SUSD3: variants seen among roughly 807,000 people sequenced by gnomAD.
SUSD3 encodes sushi domain containing 3, also known as sushi domain-containing protein 3.
In SUSD3, 18 loss-of-function variants were observed where a neutral mutation model predicts 20.6. That is an observed-to-expected ratio of 0.87 (90% confidence interval 0.60 to 1.30). SUSD3 has a LOEUF of 1.30. SUSD3 is among the 50% of genes most tolerant of loss of function. SUSD3 has a pLI of 0.00. For missense variants in SUSD3, 306 were observed against 346.9 expected (o/e 0.88, Z 0.94); for synonymous variants, 137 against 141.5 (o/e 0.97, Z 0.23).
In SUSD3 at chr9:93,079,615, C is replaced by A; in HGVS notation, c.557+13C>A. 1.9e-6 allele frequency: 3 copies of A among 1,613,072 alleles called. No individual in the cohort carries two copies. The South Asian group carries it at 3.3e-5, about 18-fold the overall frequency. On this transcript the variant is annotated intron_variant, in intron 4 of 4. Coordinates refer to ENST00000375472, the MANE Select transcript of SUSD3 (RefSeq NM_145006.4). Reference sequence around the variant, plus strand: ...ACAGCTTCACCACGTGAGCCCGGGTCTGGGTAGGGGACATGCTGGGGGACA... The same window carrying A: ...ACAGCTTCACCACGTGAGCCCGGGTATGGGTAGGGGACATGCTGGGGGACA...
intron 1 of SUSD3, among the ~76,000 whole-genome samples, chr9:93,073,857 C>T (rs1337980439): frequency 6.6e-5 from 10 of 152,096 alleles, no homozygotes; most frequent in South Asian, 2.1e-4. Context: ...TGTGTATGAA[C>T]GTGTGTGAAG....
At chr9:93,065,072 G>A (rs775889834) in intron 1 of SUSD3, among the ~76,000 whole-genome samples, 4 of 152,226 alleles carry the variant, frequency 2.6e-5, no homozygotes, top group African/African-American at 9.6e-5. Flanking sequence ...ATGGGGAGTG[G>A]TATGGCCACC....
At chr9:93,080,530 T>A (rs1826372109) in intron 4 of SUSD3, among the ~76,000 whole-genome samples, 1 of 152,174 alleles carries the variant, frequency 6.6e-6, no homozygotes, top group South Asian at 2.1e-4. Context: ...TCTGCGTCTG[T>A]CTGGTGTTTC....
chr9:93,066,209 TAAG>T (rs1307325052), intron 1 of SUSD3, among the ~76,000 whole-genome samples: 3 of 152,108 alleles, frequency 2.0e-5, no homozygotes, highest in African/African-American at 7.2e-5. Context: ...CTGACAGAGA[TAAG>T]AAGCAAAAAA....
At chr9:93,058,885 G>T (rs1043049651) in intron 1 of SUSD3, 55 bp downstream of exon 1, 123 of 1,125,256 alleles carry the variant, frequency 1.1e-4, no homozygotes, top group Non-Finnish European at 1.4e-4. Context: ...TTTCACAGAC[G>T]GGAAAGCCGA....
chr9:93,071,326 T>G (rs1825903118), intron 1 of SUSD3, among the ~76,000 whole-genome samples: 2 of 152,182 alleles, frequency 1.3e-5, no homozygotes, highest in African/African-American at 4.8e-5. Context: ...AGTGCAGCCT[T>G]CAGTCTGTGG....
chr9:93,069,518 T>C (rs975592207), intron 1 of SUSD3, among the ~76,000 whole-genome samples: 4 of 152,262 alleles, frequency 2.6e-5, no homozygotes, highest in African/African-American at 9.6e-5. Flanking sequence ...TTTGTAGTTT[T>C]CAGAGTATGT....
At chr9:93,074,431 CAAAAAAA>C (rs56872294) in intron 1 of SUSD3, among the ~76,000 whole-genome samples, 5 of 38,854 alleles carry the variant, frequency 1.3e-4, no homozygotes, top group South Asian at 7.5e-4. Flanking sequence ...GACTCTGACT[CAAAAAAA>C]AAAAAAAAAA....
intron 1 of SUSD3, among the ~76,000 whole-genome samples, chr9:93,066,121 C>T (rs780120896): frequency 2.5e-4 from 38 of 152,240 alleles, no homozygotes; most frequent in African/African-American, 8.9e-4. Context: ...AGGCCCTCCC[C>T]ACTCTGTGTA....
At chr9:93,082,451 G>T (rs1273527295) in intron 4 of SUSD3, among the ~76,000 whole-genome samples, 1 of 151,478 alleles carries the variant, frequency 6.6e-6, no homozygotes, top group Non-Finnish European at 1.5e-5. Context: ...CCAAGTAGCT[G>T]GGACCACAGG....
intron 3 of SUSD3, among the ~76,000 whole-genome samples, 160 bp downstream of exon 3, chr9:93,078,153 C>T (rs1446817815): frequency 3.9e-5 from 6 of 152,256 alleles, no homozygotes; most frequent in African/African-American, 9.6e-5. Context: ...CCAAGTGCTG[C>T]TCCCGGCCCA....
rs369323641 is a variant in SUSD3, at chr9:93,074,304, C to T, written c.89-1480C>T. ...AATCAGCCAGGTGTGGTCGCACATG[C>T]CTGTAATCCCAGCTACTCGGGAGGG... is the stretch of plus-strand genomic sequence containing the variant. On this transcript the variant is annotated intron_variant, in intron 1 of 4. Transcript: ENST00000375472. Among the ~76,000 whole-genome samples, 7 of 151,908 alleles carry T rather than the reference C, an allele frequency of 4.6e-5. No individual in the cohort carries two copies. The East Asian group carries it at 1.2e-3, about 25-fold the overall frequency.
intron 1 of SUSD3, among the ~76,000 whole-genome samples, chr9:93,066,900 G>T (rs980379304): frequency 3.9e-5 from 6 of 152,030 alleles, no homozygotes; most frequent in Non-Finnish European, 8.8e-5. Context: ...TAGAGATGGG[G>T]TTTCACCGTG....
chr9:93,070,681 G>A (rs1825877605), intron 1 of SUSD3, among the ~76,000 whole-genome samples: 1 of 152,174 alleles, frequency 6.6e-6, no homozygotes, highest in South Asian at 2.1e-4. Flanking sequence ...CATTTCCTCA[G>A]CACCCCAGTC....
At chr9:93,067,859 A>G (rs1047606322) in intron 1 of SUSD3, among the ~76,000 whole-genome samples, 1 of 152,104 alleles carries the variant, frequency 6.6e-6, no homozygotes, top group Non-Finnish European at 1.5e-5. Context: ...CGGCCTCCCA[A>G]AGTCCTGGGA....
chr9:93,072,084 A>G (rs2118953326), intron 1 of SUSD3, among the ~76,000 whole-genome samples: 1 of 152,218 alleles, frequency 6.6e-6, no homozygotes, highest in African/African-American at 2.4e-5. Context: ...ATAATGCAGT[A>G]CAGCACCCAT....
At chr9:93,080,287 C>G (rs186914713) in intron 4 of SUSD3, among the ~76,000 whole-genome samples, 135 of 147,114 alleles carry the variant, frequency 9.2e-4, no homozygotes, top group African/African-American at 3.4e-3. Flanking sequence ...CCACCGCACT[C>G]CAGCCTGGGC....
At chr9:93,059,952 T>G (rs946514744) in intron 1 of SUSD3, among the ~76,000 whole-genome samples, 1 of 152,196 alleles carries the variant, frequency 6.6e-6, no homozygotes, top group Non-Finnish European at 1.5e-5. Context: ...TGATGAGCAC[T>G]TTTGCTCCTG....
intron 1 of SUSD3, among the ~76,000 whole-genome samples, chr9:93,066,099 G>A (rs147833384): frequency 5.0e-4 from 76 of 152,286 alleles, no homozygotes; most frequent in African/African-American, 1.7e-3. Flanking sequence ...CTGAAGGGCA[G>A]GGCAGCTCCT....
Sources: gnomAD v4.1 joint callset for allele counts (sites outside exome capture counted in the v4.1 genomes callset) on GRCh38, gnomAD v4.1.1 for gene constraint, MANE v1.5 for transcripts, NCBI Gene and HGNC (gene_info 2026-07-23, HGNC 2026-07-21) for gene names.